Variants in PRKCA observed in about 807,000 individuals in gnomAD.
PRKCA encodes protein kinase C alpha.
A neutral mutation model predicts 87.0 loss-of-function variants in PRKCA; 27 were observed. That is an observed-to-expected ratio of 0.31 (90% CI 0.23 to 0.43). The LOEUF (loss-of-function observed/expected upper bound fraction) is 0.43. Among genes scored for constraint, PRKCA ranks in the 20% least tolerant of loss-of-function variants. The probability of loss-of-function intolerance (pLI) is 1.00; values close to 1 mark genes in which losing one functional copy is unlikely to be tolerated. For missense variants in PRKCA, 518 were observed against 852.3 expected, an observed-to-expected ratio of 0.61 and a Z score of 4.88; for synonymous variants, 329 against 311.1, an observed-to-expected ratio of 1.06 and a Z score of -0.61.
chr17:66,643,881 A>C (rs577892262), intron 4 of PRKCA, among the ~76,000 whole-genome samples: 123 of 152,298 alleles, frequency 8.1e-4, no homozygotes, highest in South Asian at 1.7e-3. Flanking sequence ...GAGTGGGCCA[A>C]CCTCTCACTT....
chr17:66,573,371 T>C (rs1268934187), intron 3 of PRKCA, among the ~76,000 whole-genome samples: 1 of 152,188 alleles, frequency 6.6e-6, no homozygotes, highest in Non-Finnish European at 1.5e-5. Flanking sequence ...CTTTAAAATC[T>C]CCATGACTGA....
chr17:66,518,110 T>C (rs1476148446), intron 3 of PRKCA, among the ~76,000 whole-genome samples: 1 of 152,138 alleles, frequency 6.6e-6, no homozygotes, highest in Non-Finnish European at 1.5e-5. Context: ...TTTAGTAAGA[T>C]GGCCCTGTCG....
intron 3 of PRKCA, among the ~76,000 whole-genome samples, chr17:66,621,672 C>G (rs1000852793): frequency 1.3e-5 from 2 of 152,140 alleles, no homozygotes; most frequent in Admixed American, 1.3e-4. Flanking sequence ...ATCCCTGTTA[C>G]TGATCTGGTG....
At chr17:66,784,148 C>A (rs574548256) in intron 14 of PRKCA, among the ~76,000 whole-genome samples, 61 of 152,312 alleles carry the variant, frequency 4.0e-4, no homozygotes, top group Admixed American at 2.3e-3. Context: ...CTGCCCCGCT[C>A]CCTGCCAGGG....
chr17:66,540,308 C>T (rs370859739), intron 3 of PRKCA, among the ~76,000 whole-genome samples: 23 of 152,312 alleles, frequency 1.5e-4, no homozygotes, highest in African/African-American at 4.8e-4. Context: ...CAGAGCCCAG[C>T]GGAGAGTCTG....
chr17:66,512,578 A>G (rs1046550932), intron 3 of PRKCA, among the ~76,000 whole-genome samples: 1 of 151,898 alleles, frequency 6.6e-6, no homozygotes, highest in African/African-American at 2.4e-5. Context: ...TCCCAAGCTC[A>G]TTGGCACCCC....
Position 66,573,936 on chromosome 17 carries a change from G to T in PRKCA, c.289-67419G>T, listed in dbSNP as rs553880304. The stretch of plus-strand genomic sequence containing the variant: ...GGCCAAAGAGTTTGAAACCAGCCTG[G>T]GTTTAACACAGACCCCCATCTCTAA... On this transcript the variant is annotated intron_variant, in intron 3 of 16. Coordinates refer to ENST00000413366, the MANE Select transcript of PRKCA (RefSeq NM_002737.3). Among the ~76,000 whole-genome samples, 7 of 152,004 alleles carry T rather than the reference G, an allele frequency of 4.6e-5. No homozygotes were observed. In the South Asian group the frequency reaches 1.5e-3, roughly 32 times the overall value.
intron 3 of PRKCA, among the ~76,000 whole-genome samples, chr17:66,525,494 C>T (rs1231017679): frequency 6.6e-6 from 1 of 152,180 alleles, no homozygotes; most frequent in Admixed American, 6.5e-5. Context: ...AAATCTGGTG[C>T]CCAGCTGTAC....
intron 3 of PRKCA, among the ~76,000 whole-genome samples, chr17:66,577,576 C>T (rs1000847256): frequency 6.6e-6 from 1 of 152,186 alleles, no homozygotes; most frequent in African/African-American, 2.4e-5. Flanking sequence ...TGCTTCAGAC[C>T]TAGAGCTCAG....
At chr17:66,310,861 A>G (rs542864060) in intron 2 of PRKCA, among the ~76,000 whole-genome samples, 47 of 152,258 alleles carry the variant, frequency 3.1e-4, no homozygotes, top group Admixed American at 7.8e-4. Context: ...ATGGACACCA[A>G]GTACCAGGAG....
At chr17:66,550,016 A>G (rs1335560306) in intron 3 of PRKCA, among the ~76,000 whole-genome samples, 8 of 152,010 alleles carry the variant, frequency 5.3e-5, no homozygotes, top group Admixed American at 5.2e-4. Flanking sequence ...GACTCTTAAG[A>G]CCCCTGGGTA....
At chr17:66,643,862 C>T (rs970076579) in intron 4 of PRKCA, among the ~76,000 whole-genome samples, 6 of 152,284 alleles carry the variant, frequency 3.9e-5, no homozygotes, top group African/African-American at 1.2e-4. Flanking sequence ...CAGTTAGCAA[C>T]AACAACTTGA....
intron 14 of PRKCA, 70 bp from the exon 15 acceptor site, chr17:66,786,797 C>T: frequency 7.8e-7 from 1 of 1,285,734 alleles, no homozygotes; most frequent in Non-Finnish European, 1.1e-6. Context: ...GCTGAATTGG[C>T]TCTTCAGGCA....
intron 2 of PRKCA, among the ~76,000 whole-genome samples, chr17:66,338,012 G>GC (rs1464272193): frequency 1.5e-4 from 11 of 75,578 alleles, no homozygotes; most frequent in Admixed American, 1.1e-3. Flanking sequence ...CCCCCCCTCC[G>GC]CCCCCCTTAA....
At chr17:66,621,721 A>G (rs988263809) in intron 3 of PRKCA, among the ~76,000 whole-genome samples, 1 of 152,142 alleles carries the variant, frequency 6.6e-6, no homozygotes, top group African/African-American at 2.4e-5. Flanking sequence ...CAAGAATGGC[A>G]AGCAAAAGTA....
intron 13 of PRKCA, among the ~76,000 whole-genome samples, chr17:66,744,744 G>T (rs1974235829): frequency 6.6e-6 from 1 of 152,286 alleles, no homozygotes; most frequent in African/African-American, 2.4e-5. Context: ...TTATCATGTG[G>T]TTCCGGAGAT....
chr17:66,557,564 G>T (rs1968537891), intron 3 of PRKCA, among the ~76,000 whole-genome samples: 1 of 152,126 alleles, frequency 6.6e-6, no homozygotes, highest in South Asian at 2.1e-4. Context: ...TGGTGCAACT[G>T]CTCTCTCATG....
chr17:66,694,378 A>T (rs982585253), intron 8 of PRKCA, among the ~76,000 whole-genome samples: 1 of 147,550 alleles, frequency 6.8e-6, no homozygotes, highest in African/African-American at 2.5e-5. Context: ...GCTACTCGGG[A>T]GACTGAGGCA....
At chr17:66,587,037 G>A (rs1357799830) in intron 3 of PRKCA, among the ~76,000 whole-genome samples, 4 of 152,170 alleles carry the variant, frequency 2.6e-5, no homozygotes, top group Admixed American at 1.3e-4. Context: ...GCAGTGGTTA[G>A]TGTCTACTCA....
Sources: gnomAD v4.1 joint callset for allele counts (sites outside exome capture counted in the v4.1 genomes callset) on GRCh38, gnomAD v4.1.1 for gene constraint, MANE v1.5 for transcripts, NCBI Gene and HGNC (gene_info 2026-07-23, HGNC 2026-07-21) for gene names.